Variants in STK3 observed in about 807,000 individuals in gnomAD.
STK3 encodes the protein serine/threonine kinase 3.
In STK3, 41 loss-of-function variants were observed where a neutral mutation model predicts 58.0. That is an observed-to-expected ratio of 0.71 (90% CI 0.55 to 0.92). STK3 has a LOEUF of 0.92. Among genes scored for constraint, STK3 ranks in the 40% least tolerant of loss-of-function variants. The probability of loss-of-function intolerance (pLI) is 0.00; values close to 1 mark genes in which losing one functional copy is unlikely to be tolerated. For missense variants in STK3, 479 were observed against 602.7 expected (o/e 0.79, Z 2.15); for synonymous variants, 170 against 191.0 (o/e 0.89, Z 0.91).
At chr8:98,834,475 A>G (rs938757573) in intron 3 of STK3, among the ~76,000 whole-genome samples, 2 of 152,268 alleles carry the variant, frequency 1.3e-5, no homozygotes, top group South Asian at 2.1e-4. Flanking sequence ...TCTGCTACAC[A>G]TAAGTACTCA....
chr8:98,803,393 C>T (rs907080003), intron 1 of STK3, among the ~76,000 whole-genome samples: 1 of 151,714 alleles, frequency 6.6e-6, no homozygotes, highest in African/African-American at 2.4e-5. Context: ...AGATGGAGAC[C>T]AGCATCCTAG....
chr8:98,704,443 G>T (rs1374019074), intron 6 of STK3, among the ~76,000 whole-genome samples: 1 of 151,986 alleles, frequency 6.6e-6, no homozygotes, highest in Non-Finnish European at 1.5e-5. Context: ...GGACTGTGAA[G>T]AAATTGCCTA....
intron 6 of STK3, among the ~76,000 whole-genome samples, chr8:98,610,009 TA>T: frequency 6.6e-6 from 1 of 151,486 alleles, no homozygotes; most frequent in East Asian, 1.9e-4. Context: ...TCAGATAAAC[TA>T]ATTGCATGTA....
intron 10 of STK3, among the ~76,000 whole-genome samples, chr8:98,463,531 C>A (rs1820180246): frequency 6.6e-6 from 1 of 152,030 alleles, no homozygotes. Flanking sequence ...CATTTCAAAC[C>A]TTTAATAATT....
chr8:98,345,178 G>A, the STK3 span, among the ~76,000 whole-genome samples: 14 of 152,084 alleles, frequency 9.2e-5, no homozygotes, highest in South Asian at 8.3e-4. Flanking sequence ...GCCTGAAGTG[G>A]TTTGAGATCT....
At chr8:98,787,749 A>C (rs1315658592) in intron 1 of STK3, among the ~76,000 whole-genome samples, 2 of 152,230 alleles carry the variant, frequency 1.3e-5, no homozygotes, top group African/African-American at 4.8e-5. Flanking sequence ...CAAAAACTTT[A>C]CAAGCTAGAA....
chr8:98,682,874 C>T (rs1355014413), intron 6 of STK3, among the ~76,000 whole-genome samples: 1 of 152,032 alleles, frequency 6.6e-6, no homozygotes, highest in African/African-American at 2.4e-5. Context: ...TTCCACCTTC[C>T]TACCCTATGC....
intron 6 of STK3, among the ~76,000 whole-genome samples, chr8:98,667,667 T>C (rs940238595): frequency 3.3e-5 from 5 of 152,270 alleles, no homozygotes; most frequent in Admixed American, 3.3e-4. Flanking sequence ...TGATAGTCTT[T>C]TCTGAAAGAT....
intron 9 of STK3, among the ~76,000 whole-genome samples, chr8:98,529,661 T>C (rs1238307810): frequency 2.0e-5 from 3 of 152,190 alleles, no homozygotes; most frequent in Non-Finnish European, 2.9e-5. Context: ...AGCTAAAACA[T>C]GGAAGCAAGC....
At chr8:98,772,805 T>C (rs1224468259) in intron 2 of STK3, among the ~76,000 whole-genome samples, 1 of 152,218 alleles carries the variant, frequency 6.6e-6, no homozygotes, top group Non-Finnish European at 1.5e-5. Flanking sequence ...CCTTCTTCCA[T>C]GACTATAACC....
chr8:98,557,282 C>T lies in STK3; in HGVS notation c.949-9121G>A, dbSNP rs114265913. 9.2e-3 allele frequency among the ~76,000 whole-genome samples: 1,397 copies of T among 152,128 alleles called. 16 individuals carry two copies. The highest frequency in any genetic ancestry group is 0.032 in the African/African-American group (1,320 of 41,506). ...AAAGGCAAAAATCAAAGGGTACTAT[C>T]GTACATTTGCTTGTATGTCTCGAAT... On this transcript the variant is annotated intron_variant, in intron 8 of 10. Transcript: ENST00000419617.
At chr8:98,709,768 G>C (rs543654408) in intron 4 of STK3, among the ~76,000 whole-genome samples, 1 of 151,992 alleles carries the variant, frequency 6.6e-6, no homozygotes, top group Non-Finnish European at 1.5e-5. Flanking sequence ...CAACTAATAT[G>C]AATAGAAGGA....
rs528356469 is a variant in STK3 at position 98,890,604 on chromosome 8, C to A, written c.-78-6770G>T. Among the ~76,000 whole-genome samples, 3 of 152,302 alleles carry A rather than the reference C, an allele frequency of 2.0e-5. No homozygotes were observed. The East Asian group carries it at 5.8e-4, about 29-fold the overall frequency. The stretch of plus-strand genomic sequence containing the variant: ...GCTTACCAATCACTCCCACCAGCCA[C>A]CAGGGGTCACATAAATAGAAGTTTT... On this transcript the variant is annotated intron_variant, in intron 1 of 1. Transcript: ENST00000519420.
chr8:98,915,989 T>C (rs1039092010), intron 1 of STK3, among the ~76,000 whole-genome samples: 5 of 152,212 alleles, frequency 3.3e-5, no homozygotes, highest in Non-Finnish European at 5.9e-5. Context: ...CAACTTCTGC[T>C]GCAGATGCTA....
At chr8:98,893,488 GAAAGAAAGAA>G (rs1564087334) in intron 1 of STK3, among the ~76,000 whole-genome samples, 3 of 58,968 alleles carry the variant, frequency 5.1e-5, no homozygotes, top group African/African-American at 1.6e-4. Context: ...GAAAGAAAGA[GAAAGAAAGAA>G]AGAAAGAAAG....
chr8:98,847,455 A>G (rs73277872), intron 3 of STK3, among the ~76,000 whole-genome samples: 2,749 of 152,218 alleles, frequency 0.018, 77 homozygotes, highest in African/African-American at 0.063. Flanking sequence ...CCACAGCCCA[A>G]TGGCTTTTTC....
intron 4 of STK3, among the ~76,000 whole-genome samples, chr8:98,733,086 A>G (rs944074884): frequency 6.6e-6 from 1 of 152,184 alleles, no homozygotes; most frequent in Non-Finnish European, 1.5e-5. Context: ...AAATTTGAGC[A>G]TATCATTGTT....
At chr8:98,609,528 G>A (rs1817019277) in intron 6 of STK3, among the ~76,000 whole-genome samples, 3 of 151,590 alleles carry the variant, frequency 2.0e-5, no homozygotes. Context: ...AAGACTATGC[G>A]GAAAAAATAC....
chr8:98,714,812 C>A (rs571922393), intron 4 of STK3, among the ~76,000 whole-genome samples: 129 of 152,274 alleles, frequency 8.5e-4, no homozygotes, highest in African/African-American at 3.0e-3. Context: ...CCAAAAAGAG[C>A]CCGCACTGCC....
Sources: allele counts gnomAD v4.1 joint callset (sites outside exome capture counted in the v4.1 genomes callset), GRCh38; gene constraint gnomAD v4.1.1; transcripts MANE v1.5; gene names NCBI Gene and HGNC (gene_info 2026-07-23, HGNC 2026-07-21).